CLASP2: variants seen among roughly 807,000 people sequenced by gnomAD.
CLASP2 encodes CLIP-associating protein 2.
Under a neutral mutation model 194.4 loss-of-function variants are expected in CLASP2, and 47 were observed. The observed-to-expected ratio is 0.24, with a 90% CI of 0.19 to 0.31. CLASP2 has a LOEUF of 0.31. CLASP2 is among the 10% of genes least tolerant of loss of function. The probability of loss-of-function intolerance (pLI) is 1.00; values close to 1 mark genes in which losing one functional copy is unlikely to be tolerated. For synonymous variants in CLASP2, 619 were observed against 633.5 expected (o/e 0.98, Z 0.34); for missense variants, 1,445 against 1,823.6 (o/e 0.79, Z 3.78).
At chr3:33,601,135 T>A (rs1417085038) in intron 18 of CLASP2, among the ~76,000 whole-genome samples, 2 of 151,950 alleles carry the variant, frequency 1.3e-5, no homozygotes, top group African/African-American at 4.8e-5. Flanking sequence ...GTTTTTTTTG[T>A]ATTTTTAGTA....
chr3:33,602,015 C>CTTTTTT (rs1163557505), intron 18 of CLASP2, among the ~76,000 whole-genome samples: 1 of 140,118 alleles, frequency 7.1e-6, no homozygotes, highest in African/African-American at 2.6e-5. Context: ...TCCGAAATAC[C>CTTTTTT]TTTTTTTTTT....
At chr3:33,643,542 T>C (rs951972915) in intron 8 of CLASP2, among the ~76,000 whole-genome samples, 2 of 151,946 alleles carry the variant, frequency 1.3e-5, no homozygotes, top group Non-Finnish European at 2.9e-5. Flanking sequence ...ATCTAAAGTA[T>C]AGATTACTTG....
intron 1 of CLASP2, among the ~76,000 whole-genome samples, chr3:33,697,833 C>T (rs955177557): frequency 7.2e-5 from 11 of 152,254 alleles, no homozygotes; most frequent in Middle Eastern, 3.4e-3. Flanking sequence ...GGGACACAGG[C>T]AGTAGGTCAC....
At chr3:33,566,795 A>G (rs1428168019) in intron 26 of CLASP2, 61 bp from the exon 27 acceptor site, 2 of 432,286 alleles carry the variant, frequency 4.6e-6, no homozygotes, top group Non-Finnish European at 9.2e-6. Context: ...AAAAAGAAAA[A>G]CACACAAATT....
In CLASP2 at chr3:33,713,012, C is replaced by CAAAAAAAAAA. The variant is rs57940200; in HGVS notation, c.195+4786_195+4795dup. ...GGGCGACAAGAGCAAAACTCCACCTCAAAAAAAAAAAAAAAAAAAAAAAAA... is the reference window on the plus strand; with the variant it reads ...GGGCGACAAGAGCAAAACTCCACCTCAAAAAAAAAAAAAAAAAAAAAAAAAAAAAAAAAAA... On this transcript the variant is annotated intron_variant, in intron 1 of 38. Transcript: ENST00000682230. Among the ~76,000 whole-genome samples the CAAAAAAAAAA allele has an allele frequency of 1.8e-3, 84 of 46,996 alleles. 3 individuals are homozygous for CAAAAAAAAAA. Among genetic ancestry groups the CAAAAAAAAAA allele is most frequent in the African/African-American group, 3.3e-3 (42 of 12,832 alleles). The allele number at this position is 46,996 out of a possible 152,430, so 30.8% of individuals were successfully genotyped here.
chr3:33,577,755 C>T (rs1043846145), intron 23 of CLASP2, among the ~76,000 whole-genome samples: 3 of 152,010 alleles, frequency 2.0e-5, no homozygotes, highest in African/African-American at 7.3e-5. Flanking sequence ...ATAGGTGGGG[C>T]CTGTAGGAGC....
At chr3:33,536,177 C>A (rs1326788329) in intron 33 of CLASP2, among the ~76,000 whole-genome samples, 1 of 150,846 alleles carries the variant, frequency 6.6e-6, no homozygotes, top group Non-Finnish European at 1.5e-5. Context: ...TTGTTCACAG[C>A]ATTGGGAATA....
intron 34 of CLASP2, among the ~76,000 whole-genome samples, chr3:33,520,160 C>T (rs1017977154): frequency 1.3e-5 from 2 of 151,888 alleles, no homozygotes; most frequent in African/African-American, 4.8e-5. Flanking sequence ...ATTACAGGCA[C>T]CTGCTACCAC....
chr3:33,699,856 C>T (rs1575678477), intron 1 of CLASP2, among the ~76,000 whole-genome samples: 1 of 140,386 alleles, frequency 7.1e-6, no homozygotes, highest in African/African-American at 2.7e-5. Context: ...AGCAAAACCA[C>T]AGATTATTGT....
chr3:33,559,121 A>C, intron 29 of CLASP2, 186 bp downstream of exon 29: 1 of 686,244 alleles, frequency 1.5e-6, no homozygotes. Flanking sequence ...AAAAACAATA[A>C]AACCTTGGAG....
intron 6 of CLASP2, among the ~76,000 whole-genome samples, chr3:33,674,827 G>C (rs2088183936): frequency 6.6e-6 from 1 of 152,054 alleles, no homozygotes. Context: ...AAATAAACTA[G>C]AAAATCTAGA....
chr3:33,559,282 T>G, intron 29 of CLASP2, 25 bp downstream of exon 29: 1 of 1,315,962 alleles, frequency 7.6e-7, no homozygotes, highest in Non-Finnish European at 1.1e-6. Flanking sequence ...CTTTATAATG[T>G]CTTCAAAAGA....
chr3:33,528,793 G>GGAAA (rs965893650), intron 34 of CLASP2, among the ~76,000 whole-genome samples: 1 of 150,534 alleles, frequency 6.6e-6, no homozygotes, highest in African/African-American at 2.5e-5. Context: ...AAACAAAGAA[G>GGAAA]GAAAGAAAGA....
At chr3:33,675,975 G>A (rs1301272439) in intron 6 of CLASP2, among the ~76,000 whole-genome samples, 1 of 151,184 alleles carries the variant, frequency 6.6e-6, no homozygotes, top group Non-Finnish European at 1.5e-5. Flanking sequence ...TCATGGGTAG[G>A]AAGAATCAAT....
intron 29 of CLASP2, among the ~76,000 whole-genome samples, chr3:33,557,282 ACTT>A (rs2061126607): frequency 6.6e-6 from 1 of 151,988 alleles, no homozygotes. Context: ...CCTCACCCTT[ACTT>A]CTTAAGCTGG....
chr3:33,715,847 TAAAAAAAAAAAAAAAAA>T, intron 1 of CLASP2, among the ~76,000 whole-genome samples: 1 of 62,170 alleles, frequency 1.6e-5, no homozygotes, highest in Admixed American at 2.0e-4. Context: ...GTATCTTAAG[TAAAAAAAAAAAAAAAAA>T]AAAAAAAAAA....
At position 33,540,440 on chromosome 3, in the gene CLASP2, A is replaced by G. The variant is rs1343267694; in HGVS notation, c.3405-1498T>C. Among the ~76,000 whole-genome samples, 3 of 151,600 alleles carry G rather than the reference A, an allele frequency of 2.0e-5. No individual in the cohort carries two copies. In the East Asian group the frequency reaches 5.9e-4, roughly 30 times the overall value. ...TTTTTTTTGTAGAGATGGGGTCTCA[A>G]TATGTTGCCCAGGTTTGTCCCAAAC... On this transcript the variant is annotated intron_variant, in intron 32 of 38. Transcript: ENST00000682230.
At chr3:33,587,885 A>C (rs1456602029) in intron 21 of CLASP2, among the ~76,000 whole-genome samples, 1 of 152,186 alleles carries the variant, frequency 6.6e-6, no homozygotes, top group Non-Finnish European at 1.5e-5. Flanking sequence ...TAAATAATGA[A>C]CTGAGCACAT....
intron 2 of CLASP2, among the ~76,000 whole-genome samples, chr3:33,695,523 A>G (rs927942584): frequency 2.0e-5 from 3 of 152,172 alleles, no homozygotes; most frequent in Non-Finnish European, 2.9e-5. Flanking sequence ...ACTAGAAAAT[A>G]AAAGAAAAAA....
Sources: allele counts gnomAD v4.1 joint callset (sites outside exome capture counted in the v4.1 genomes callset), GRCh38; gene constraint gnomAD v4.1.1; transcripts MANE v1.5; gene names NCBI Gene and HGNC (gene_info 2026-07-23, HGNC 2026-07-21).